Variants in LZTFL1 observed in about 807,000 individuals in gnomAD.
The protein encoded by LZTFL1 is leucine zipper transcription factor-like protein 1.
A neutral mutation model predicts 45.9 loss-of-function variants in LZTFL1; 25 were observed. That is an observed-to-expected ratio of 0.54 (90% CI 0.40 to 0.76). LZTFL1 has a LOEUF of 0.76. LZTFL1 is among the 30% of genes least tolerant of loss of function. The pLI is 0.00. For missense variants in LZTFL1, 277 were observed against 331.1 expected (o/e 0.84, Z 1.27); for synonymous variants, 93 against 117.4 (o/e 0.79, Z 1.35).
intron 2 of LZTFL1, among the ~76,000 whole-genome samples, chr3:45,869,281 T>C (rs899236927): frequency 2.6e-5 from 4 of 152,208 alleles, no homozygotes; most frequent in Admixed American, 2.6e-4. Flanking sequence ...ATGCTGTATG[T>C]TTGTTATGGG....
Position 45,842,089 on chromosome 3 carries a change from G to T in LZTFL1, c.-98C>A, listed in dbSNP as rs1179569896. On this transcript the variant is annotated 5_prime_UTR_variant, in exon 1 of 10. Transcript: ENST00000296135. ...GAGGGTAGTTGGACCACAGAAAATG[G>T]GGAAGGAGGGTAGGTTGTTTAGAAG... The T allele has an allele frequency of 3.8e-6, 6 of 1,570,062 alleles. No individual in the cohort carries two copies. In the African/African-American group the frequency reaches 8.1e-5, roughly 21 times the overall value.
chr3:45,847,365 C>T (rs1433148754), intron 4 of LZTFL1, among the ~76,000 whole-genome samples: 2 of 152,140 alleles, frequency 1.3e-5, no homozygotes, highest in African/African-American at 4.8e-5. Context: ...GTTGTCTCCG[C>T]TGGGGTTCTC....
chr3:45,906,882 C>G (rs1702691699), intron 2 of LZTFL1, among the ~76,000 whole-genome samples: 1 of 152,224 alleles, frequency 6.6e-6, no homozygotes, highest in South Asian at 2.1e-4. Flanking sequence ...ATTCCCCTGC[C>G]TCTCCCATCC....
intron 2 of LZTFL1, among the ~76,000 whole-genome samples, chr3:45,895,381 T>C (rs1208126277): frequency 2.0e-5 from 3 of 152,220 alleles, no homozygotes; most frequent in Admixed American, 1.3e-4. Context: ...CGTAACAGTA[T>C]ACATTCCCCT....
chr3:45,834,356 C>T, intron 3 of LZTFL1, 58 bp from the exon 4 acceptor site: 1 of 1,164,836 alleles, frequency 8.6e-7, no homozygotes, highest in Non-Finnish European at 1.2e-6. Flanking sequence ...ATATCACACG[C>T]AAGAAGAGTA....
chr3:45,855,751 A>G (rs1483832336), intron 3 of LZTFL1, among the ~76,000 whole-genome samples: 3 of 151,958 alleles, frequency 2.0e-5, no homozygotes, highest in African/African-American at 7.3e-5. Flanking sequence ...ACATTCCTAT[A>G]CACCACAAAT....
intron 2 of LZTFL1, among the ~76,000 whole-genome samples, chr3:45,887,619 C>T (rs62245094): frequency 0.068 from 10,382 of 152,300 alleles, 531 homozygotes; most frequent in East Asian, 0.24. Context: ...GGGATCCCAT[C>T]TCCTTACTCC....
intron 2 of LZTFL1, among the ~76,000 whole-genome samples, chr3:45,894,000 T>A (rs563529868): frequency 6.6e-6 from 1 of 152,246 alleles, no homozygotes; most frequent in Admixed American, 6.5e-5. Flanking sequence ...AAAGAGGCTA[T>A]TTTTTTCGAG....
rs375957870 is a variant in LZTFL1 at position 45,833,173 on chromosome 3, A to G, written c.385-52T>C. On this transcript the variant is annotated intron_variant, in intron 4 of 9. Coordinates refer to ENST00000296135, the MANE Select transcript of LZTFL1 (RefSeq NM_020347.4). ...GAAATCACCACAGAATAAAGCATGT[A>G]TAATCATTGAACACTTGCACTTTGC... is the stretch of plus-strand genomic sequence containing the variant. 134 of 1,264,562 alleles carry G rather than the reference A, an allele frequency of 1.1e-4. No individual in the cohort carries two copies. In the African/African-American group the frequency reaches 1.6e-3, roughly 15 times the overall value. The allele number at this position is 1,264,562 out of a possible 1,614,324, so 78.3% of individuals were successfully genotyped here.
chr3:45,858,552 G>A (rs1701430625), intron 3 of LZTFL1, among the ~76,000 whole-genome samples: 1 of 152,162 alleles, frequency 6.6e-6, no homozygotes, highest in African/African-American at 2.4e-5. Context: ...ATCACATGCT[G>A]TATTTTGTAA....
In LZTFL1 at chr3:45,831,001, G is replaced by A. The variant is rs905184701; in HGVS notation, c.523-11C>T. On this transcript the variant is annotated splice_polypyrimidine_tract_variant and intron_variant, in intron 6 of 9. Coordinates refer to ENST00000296135, the MANE Select transcript of LZTFL1 (RefSeq NM_020347.4). Reference sequence around the variant, plus strand: ...CAGTGCATTTGTAGCCTATAGTGAAGTTTAAACAAAACACTTTCAGTATTT... The same window carrying A: ...CAGTGCATTTGTAGCCTATAGTGAAATTTAAACAAAACACTTTCAGTATTT... The A allele has an allele frequency of 5.0e-6, 8 of 1,612,746 alleles. No homozygotes were observed. Among genetic ancestry groups the A allele is most frequent in the Non-Finnish European group, 6.8e-6 (8 of 1,178,944 alleles).
At chr3:45,841,573 G>A in intron 1 of LZTFL1, 2 of 188,056 alleles carry the variant, frequency 1.1e-5, no homozygotes, top group South Asian at 1.5e-4. Context: ...TCCTGAAACT[G>A]AGTGAGAACC....
At chr3:45,830,789 A>G in intron 7 of LZTFL1, 124 bp downstream of exon 7, 1 of 786,162 alleles carries the variant, frequency 1.3e-6, no homozygotes, top group Non-Finnish European at 2.1e-6. Flanking sequence ...ACATGACAAT[A>G]GAGGCATTTG....
chr3:45,890,579 G>T (rs1472889344), intron 2 of LZTFL1, among the ~76,000 whole-genome samples: 1 of 151,296 alleles, frequency 6.6e-6, no homozygotes, highest in African/African-American at 2.4e-5. Flanking sequence ...GGCTCACTGG[G>T]CTTCTTGATG....
chr3:45,837,796 A>T, intron 2 of LZTFL1, 131 bp downstream of exon 2: 1 of 924,370 alleles, frequency 1.1e-6, no homozygotes, highest in Non-Finnish European at 1.6e-6. Context: ...GGCTTAGTGT[A>T]GCTGCTCTTA....
chr3:45,895,090 C>T (rs41289610), intron 2 of LZTFL1: 9,766 of 924,650 alleles, frequency 0.011, 91 homozygotes, highest in East Asian at 0.026. Flanking sequence ...CCTGGCAATG[C>T]GCATTGCTGG....
chr3:45,879,551 T>C (rs9852270), intron 2 of LZTFL1, among the ~76,000 whole-genome samples: 75,363 of 152,070 alleles, frequency 0.5, 22,211 homozygotes, highest in African/African-American at 0.82. Context: ...CTTAGGGCAA[T>C]GAAACTATTC....
rs1702711257 is a variant in LZTFL1 at position 45,907,836 on chromosome 3, G to A, written c.-215+5284C>T. Among the ~76,000 whole-genome samples the A allele has an allele frequency of 2.0e-5, 3 of 152,310 alleles. No homozygotes were observed. The South Asian group carries it at 6.2e-4, about 32-fold the overall frequency. On this transcript the variant is annotated intron_variant, in intron 2 of 4. Transcript: ENST00000472635. ...GCAGCCACGGACTGTGCGTGTTCTTGCTCACGTGTGTCTGCCCAGCAACAG... is the reference window on the plus strand; with the variant it reads ...GCAGCCACGGACTGTGCGTGTTCTTACTCACGTGTGTCTGCCCAGCAACAG...
chr3:45,914,707 G>A (rs976490170), intron 1 of LZTFL1, among the ~76,000 whole-genome samples: 4 of 152,300 alleles, frequency 2.6e-5, no homozygotes, highest in African/African-American at 9.6e-5. Flanking sequence ...TGAGCCCTGG[G>A]TGAGTCTTGG....
Sources: gnomAD v4.1 joint callset for allele counts (sites outside exome capture counted in the v4.1 genomes callset) on GRCh38, gnomAD v4.1.1 for gene constraint, MANE v1.5 for transcripts, NCBI Gene and HGNC (gene_info 2026-07-23, HGNC 2026-07-21) for gene names.